The following MDGA2 variants were observed in gnomAD, a reference collection of about 807,000 sequenced individuals.
MDGA2 encodes MAM domain-containing glycosylphosphatidylinositol anchor protein 2.
MDGA2 carries 40 observed loss-of-function variants against 117.8 expected under a neutral mutation model. The observed-to-expected ratio is 0.34, with a 90% confidence interval of 0.26 to 0.44. The LOEUF (loss-of-function observed/expected upper bound fraction) is 0.44. MDGA2 is among the 20% of genes least tolerant of loss of function. The probability of loss-of-function intolerance (pLI) is 1.00; values close to 1 mark genes in which losing one functional copy is unlikely to be tolerated. For missense variants in MDGA2, 1,123 were observed against 1,250.6 expected (o/e 0.90, Z 1.54); for synonymous variants, 452 against 439.0 (o/e 1.03, Z -0.37).
chr14:47,223,438 T>C (rs1345819193), intron 2 of MDGA2, among the ~76,000 whole-genome samples: 2 of 152,184 alleles, frequency 1.3e-5, no homozygotes, highest in Non-Finnish European at 2.9e-5. Context: ...AACTACTGCT[T>C]AAGATTGTTT....
chr14:47,130,316 G>A (rs904183238), intron 5 of MDGA2, among the ~76,000 whole-genome samples: 2 of 152,082 alleles, frequency 1.3e-5, no homozygotes, highest in Non-Finnish European at 2.9e-5. Flanking sequence ...CTTATGGCTA[G>A]CCAATTTTCC....
chr14:47,609,465 A>ATATATAGATATATAT (rs1555336021), intron 1 of MDGA2, among the ~76,000 whole-genome samples: 1 of 107,374 alleles, frequency 9.3e-6, no homozygotes, highest in Non-Finnish European at 1.9e-5. Context: ...ATATATATAT[A>ATATATAGATATATAT]AGTTTCTTTA....
chr14:47,166,829 C>A (rs1883899729), intron 3 of MDGA2, among the ~76,000 whole-genome samples: 1 of 152,192 alleles, frequency 6.6e-6, no homozygotes, highest in Admixed American at 6.5e-5. Context: ...AAGAGCATAA[C>A]CAACTTTGTA....
rs143344158 is a variant in MDGA2 at position 47,239,291 on chromosome 14, T to A, written c.421-21096A>T. On this transcript the variant is annotated intron_variant, in intron 2 of 16. Coordinates refer to ENST00000399232, the MANE Select transcript of MDGA2 (RefSeq NM_001113498.3). ...ACAAATTCTGTCACATTGCTTTAGT[T>A]TCCTGGACTAGTATCACTGAGTTGA... 2.8e-3 allele frequency among the ~76,000 whole-genome samples: 421 copies of A among 151,766 alleles called. 4 individuals carry two copies. Among genetic ancestry groups the A allele is most frequent in the African/African-American group, 8.4e-3 (348 of 41,484 alleles).
chr14:47,401,347 G>A (rs1247668296), intron 1 of MDGA2, among the ~76,000 whole-genome samples: 2 of 152,096 alleles, frequency 1.3e-5, no homozygotes, highest in Admixed American at 6.5e-5. Context: ...GACTTTGAAA[G>A]CTTAGAATGC....
chr14:47,665,432 G>A (rs1389295421), intron 1 of MDGA2, among the ~76,000 whole-genome samples: 10 of 152,170 alleles, frequency 6.6e-5, no homozygotes, highest in Admixed American at 3.3e-4. Flanking sequence ...TTCTGGCCAC[G>A]CTTGAGGAGC....
chr14:46,980,811 TAC>T (rs1886642211), intron 8 of MDGA2, among the ~76,000 whole-genome samples: 1 of 152,332 alleles, frequency 6.6e-6, no homozygotes, highest in African/African-American at 2.4e-5. Context: ...TTCAGCTATG[TAC>T]ACTTTTTAGA....
intron 5 of MDGA2, among the ~76,000 whole-genome samples, chr14:47,127,039 A>G (rs1297611156): frequency 6.6e-6 from 1 of 152,194 alleles, no homozygotes; most frequent in Non-Finnish European, 1.5e-5. Context: ...CATTGAAAGA[A>G]TAATTTCTAA....
rs374720847 is a variant in MDGA2 at position 47,426,539 on chromosome 14, A to T, written c.281-124989T>A. Among the ~76,000 whole-genome samples the T allele has an allele frequency of 2.6e-5, 4 of 151,836 alleles. No homozygotes were observed. In the East Asian group the frequency reaches 5.8e-4, roughly 22 times the overall value. ...TATGCAAAATATGGAAGTTACTAGT[A>T]TTACTAGTTAGATAATATAATTAAA... is the stretch of plus-strand genomic sequence containing the variant. On this transcript the variant is annotated intron_variant, in intron 1 of 16. Coordinates refer to ENST00000399232, the MANE Select transcript of MDGA2 (RefSeq NM_001113498.3).
At chr14:47,040,740 TACTC>T (rs1264464146) in intron 7 of MDGA2, among the ~76,000 whole-genome samples, 1 of 152,232 alleles carries the variant, frequency 6.6e-6, no homozygotes, top group Admixed American at 6.6e-5. Flanking sequence ...CCTGGTTACT[TACTC>T]TTCCTGACTA....
chr14:47,146,086 G>T (rs1342313285), intron 3 of MDGA2, among the ~76,000 whole-genome samples: 1 of 152,076 alleles, frequency 6.6e-6, no homozygotes, highest in Non-Finnish European at 1.5e-5. Flanking sequence ...ATATTTAAAA[G>T]ACATTGTTCC....
At chr14:47,092,585 T>A (rs1232365668) in intron 6 of MDGA2, among the ~76,000 whole-genome samples, 1 of 152,168 alleles carries the variant, frequency 6.6e-6, no homozygotes, top group Non-Finnish European at 1.5e-5. Context: ...TTCATCTCAA[T>A]CATACTGAGG....
Position 47,035,091 on chromosome 14 carries a change from C to G in MDGA2, c.1739G>C (p.Gly580Ala). The G allele has an allele frequency of 6.2e-7, 1 of 1,614,112 alleles. No individual in the cohort carries two copies. Among genetic ancestry groups the G allele is most frequent in the African/African-American group, 1.3e-5 (1 of 75,046 alleles). ...RIVNVSREMS[G>A]MYRCQTSQYN... is the part of the protein sequence containing the mutation. ...TTGGCTGGTCTGACATCTGTACATT[C>G]CTGACATTTCCCTAGATACATTCAC... Residue 580 changes from glycine to alanine, a missense_variant, in exon 8 of 17, where the codon GGA becomes GCA. Gly to Ala is a moderately conservative substitution (Grantham distance 60). Coordinates refer to ENST00000399232, the MANE Select transcript of MDGA2 (RefSeq NM_001113498.3).
At chr14:47,130,543 C>G (rs1882151890) in intron 5 of MDGA2, among the ~76,000 whole-genome samples, 1 of 152,076 alleles carries the variant, frequency 6.6e-6, no homozygotes, top group Non-Finnish European at 1.5e-5. Flanking sequence ...GTTGATGAAC[C>G]AATGTCATAG....
chr14:47,180,487 C>T (rs1884655068), intron 3 of MDGA2, among the ~76,000 whole-genome samples: 1 of 151,928 alleles, frequency 6.6e-6, no homozygotes, highest in Admixed American at 6.6e-5. Context: ...TATAAGGAAC[C>T]TAAACAAATT....
chr14:47,674,797 G>T lies in MDGA2; in HGVS notation c.-1C>A. The stretch of plus-strand genomic sequence containing the variant: ...GGAGCCCCGCACTCCACACACTCAT[G>T]CACACACACACTCACACACACTCAC... On this transcript the variant is annotated 5_prime_UTR_variant, in exon 1 of 17. Coordinates refer to ENST00000399232, the MANE Select transcript of MDGA2 (RefSeq NM_001113498.3). 3 of 675,656 alleles carry T rather than the reference G, an allele frequency of 4.4e-6. 1 individual carries two copies. In the South Asian group the frequency reaches 4.7e-5, roughly 11 times the overall value. 41.9% of individuals were successfully genotyped at this position (675,656 alleles called of 1,614,324 possible).
intron 1 of MDGA2, among the ~76,000 whole-genome samples, chr14:47,414,732 C>A (rs1351657954): frequency 1.3e-5 from 2 of 151,972 alleles, no homozygotes; most frequent in African/African-American, 4.8e-5. Context: ...CTATGTTGAA[C>A]ATTTGATCAT....
intron 1 of MDGA2, among the ~76,000 whole-genome samples, chr14:47,641,509 G>T (rs1897422776): frequency 1.3e-5 from 2 of 152,008 alleles, no homozygotes. Context: ...GGAAAGGAGA[G>T]AGAAGATCCA....
intron 1 of MDGA2, among the ~76,000 whole-genome samples, chr14:47,554,545 A>G (rs1895647860): frequency 6.6e-6 from 1 of 152,178 alleles, no homozygotes; most frequent in Non-Finnish European, 1.5e-5. Context: ...TATTACTAGT[A>G]CATTTTTTAA....
Sources: gnomAD v4.1 joint callset for allele counts (sites outside exome capture counted in the v4.1 genomes callset) on GRCh38, gnomAD v4.1.1 for gene constraint, MANE v1.5 for transcripts, NCBI Gene and HGNC (gene_info 2026-07-23, HGNC 2026-07-21) for gene names.